Variants in TNIP3 observed in about 807,000 individuals in gnomAD.
The protein encoded by TNIP3 is TNFAIP3 interacting protein 3, also known as TNFAIP3-interacting protein 3.
A neutral mutation model predicts 54.1 loss-of-function variants in TNIP3; 34 were observed. The ratio of observed to expected loss-of-function variants is 0.63; its 90% CI spans 0.48 to 0.84. TNIP3 has a LOEUF of 0.84. Ranked by LOEUF, TNIP3 falls within the 40% of genes least tolerant of loss-of-function variation. The pLI is 0.00. For missense variants in TNIP3, 366 were observed against 387.6 expected, an observed-to-expected ratio of 0.94 and a Z score of 0.47; for synonymous variants, 134 against 136.8, an observed-to-expected ratio of 0.98 and a Z score of 0.14.
At chr4:121,205,309 G>A (rs997693229) in intron 2 of TNIP3, among the ~76,000 whole-genome samples, 1 of 152,174 alleles carries the variant, frequency 6.6e-6, no homozygotes, top group African/African-American at 2.4e-5. Flanking sequence ...TCTAAGGCTA[G>A]AGCTTGTGTG....
chr4:121,214,043 T>C (rs754255323), intron 2 of TNIP3, among the ~76,000 whole-genome samples: 20 of 152,166 alleles, frequency 1.3e-4, no homozygotes, highest in Non-Finnish European at 1.5e-5. Flanking sequence ...AACCATAATA[T>C]CAATACGTAG....
upstream of TNIP3, among the ~76,000 whole-genome samples, chr4:121,219,357 A>G (rs1024030539): frequency 9.9e-5 from 15 of 152,228 alleles, no homozygotes; most frequent in Admixed American, 9.2e-4. Context: ...CTCTTTTTTA[A>G]GGAATTCCTA....
chr4:121,191,398 A>G (rs1396153478), intron 2 of TNIP3, among the ~76,000 whole-genome samples: 1 of 152,214 alleles, frequency 6.6e-6, no homozygotes, highest in Non-Finnish European at 1.5e-5. Context: ...AAGTTAACCT[A>G]GCTACACATG....
At chr4:121,190,812 C>T (rs1201464125) in intron 2 of TNIP3, among the ~76,000 whole-genome samples, 2 of 152,100 alleles carry the variant, frequency 1.3e-5, no homozygotes, top group Admixed American at 6.5e-5. Flanking sequence ...TTCATAAAAG[C>T]TCAAAGAAAA....
rs551043882 is a variant in TNIP3 at position 121,222,189 on chromosome 4, A to T, written c.3+5196T>A. Among the ~76,000 whole-genome samples, 23 of 152,254 alleles carry T rather than the reference A, an allele frequency of 1.5e-4. No homozygotes were observed. In the East Asian group the frequency reaches 4.1e-3, roughly 27 times the overall value. ...TAGAGGCTTAGTGAAATATTAGTGAATTTCTTCCCCTGCGAAGAGGACCTA... is the reference window on the plus strand; with the variant it reads ...TAGAGGCTTAGTGAAATATTAGTGATTTTCTTCCCCTGCGAAGAGGACCTA... On this transcript the variant is annotated intron_variant, in intron 1 of 12. Coordinates refer to the TNIP3 transcript ENST00000509841.
At chr4:121,198,871 T>C (rs1269334868) in intron 2 of TNIP3, among the ~76,000 whole-genome samples, 1 of 152,210 alleles carries the variant, frequency 6.6e-6, no homozygotes, top group Admixed American at 6.5e-5. Context: ...AAAATATACA[T>C]ATAGCTCTGA....
intron 4 of TNIP3, among the ~76,000 whole-genome samples, chr4:121,155,585 G>A (rs1730035118): frequency 6.6e-6 from 1 of 152,152 alleles, no homozygotes; most frequent in Admixed American, 6.5e-5. Flanking sequence ...TTGTCATCCA[G>A]AAGTGCAGTG....
chr4:121,182,614 T>C (rs1176111287), intron 3 of TNIP3: 3 of 1,517,150 alleles, frequency 2.0e-6, no homozygotes, highest in East Asian at 4.9e-5. Flanking sequence ...CCACAAATTC[T>C]TCTTGATGAA....
At chr4:121,201,023 G>GAA (rs1725854644) in intron 2 of TNIP3, among the ~76,000 whole-genome samples, 1 of 152,194 alleles carries the variant, frequency 6.6e-6, no homozygotes. Context: ...GTGTGCTGGG[G>GAA]AAGAGAGTAG....
intron 3 of TNIP3, among the ~76,000 whole-genome samples, chr4:121,169,769 G>A (rs1730968113): frequency 6.6e-6 from 1 of 152,208 alleles, no homozygotes; most frequent in Non-Finnish European, 1.5e-5. Context: ...TTTTGAACTA[G>A]GAGAATCGGG....
At chr4:121,164,482 A>G (rs1457390018), upstream of TNIP3, 3 of 406,244 alleles carry the variant, frequency 7.4e-6, no homozygotes, top group Non-Finnish European at 1.0e-5. Flanking sequence ...AGTTTCTCCC[A>G]CTGGAGGAGG....
chr4:121,195,478 A>G (rs555489885), intron 2 of TNIP3, among the ~76,000 whole-genome samples: 2 of 152,330 alleles, frequency 1.3e-5, no homozygotes, highest in South Asian at 4.1e-4. Flanking sequence ...TAGAGAGTGG[A>G]CCATTTTTTC....
At chr4:121,136,692 A>AAAAAAT (rs895097989) in intron 10 of TNIP3, 1 of 151,500 alleles carries the variant, frequency 6.6e-6, no homozygotes, top group East Asian at 1.9e-4. Flanking sequence ...CCATCTGAAC[A>AAAAAAT]AAAAATAAAA....
At chr4:121,151,126 T>C (rs1000959949) in intron 5 of TNIP3, among the ~76,000 whole-genome samples, 1 of 152,194 alleles carries the variant, frequency 6.6e-6, no homozygotes, top group Admixed American at 6.5e-5. Context: ...CTTCCAAATA[T>C]TGTGACAGAA....
chr4:121,171,734 T>G (rs1723960651), intron 3 of TNIP3, among the ~76,000 whole-genome samples: 2 of 152,034 alleles, frequency 1.3e-5, no homozygotes, highest in Non-Finnish European at 2.9e-5. Context: ...TTTTGTTTTG[T>G]TTTGTTTTGT....
chr4:121,191,017 C>A (rs1044869791), intron 2 of TNIP3, among the ~76,000 whole-genome samples: 1 of 152,174 alleles, frequency 6.6e-6, no homozygotes, highest in Non-Finnish European at 1.5e-5. Flanking sequence ...CTGACAGGGA[C>A]ACAGGAAGAA....
At chr4:121,138,794 A>G in intron 9 of TNIP3, 110 bp from the exon 10 acceptor site, 1 of 990,192 alleles carries the variant, frequency 1.0e-6, no homozygotes, top group South Asian at 1.4e-5. Context: ...ACACAAAAGT[A>G]ATTTCTATCC....
chr4:121,136,178 C>T lies in TNIP3; in HGVS notation c.946+2446G>A, dbSNP rs114085788. 6.3e-3 allele frequency among the ~76,000 whole-genome samples: 963 copies of T among 152,208 alleles called. 10 individuals carry two copies. The highest frequency in any genetic ancestry group is 0.022 in the African/African-American group (899 of 41,536). On this transcript the variant is annotated intron_variant, in intron 10 of 10. Coordinates refer to ENST00000057513, the MANE Select transcript of TNIP3 (RefSeq NM_024873.6). ...TTACACACTTAATCTTACATAGTAC[C>T]GTGCCTTTTACTTGTGATATTCTAA...
intron 2 of TNIP3, among the ~76,000 whole-genome samples, chr4:121,215,980 A>G (rs1048598657): frequency 6.6e-6 from 1 of 151,808 alleles, no homozygotes; most frequent in South Asian, 2.1e-4. Flanking sequence ...TAAGTAAGGG[A>G]TTTTTTTTCA....
Sources: gnomAD v4.1 joint callset for allele counts (sites outside exome capture counted in the v4.1 genomes callset) on GRCh38, gnomAD v4.1.1 for gene constraint, MANE v1.5 for transcripts, NCBI Gene and HGNC (gene_info 2026-07-23, HGNC 2026-07-21) for gene names.